The following ADGRB3 variants were observed in gnomAD, a reference collection of about 807,000 sequenced individuals.
ADGRB3 encodes brain-specific angiogenesis inhibitor 3.
In ADGRB3, 37 loss-of-function variants were observed where a neutral mutation model predicts 193.4. That is an observed-to-expected ratio of 0.19 (90% CI 0.15 to 0.25). ADGRB3 has a LOEUF of 0.25. Ranked by LOEUF, ADGRB3 falls within the 10% of genes least tolerant of loss-of-function variation. The pLI, the probability that ADGRB3 is intolerant of heterozygous loss-of-function variation, is 1.00. For synonymous variants in ADGRB3, 690 were observed against 644.2 expected, an observed-to-expected ratio of 1.07 and a Z score of -1.08; for missense variants, 1,637 against 1,852.9, an observed-to-expected ratio of 0.88 and a Z score of 2.14.
intron 17 of ADGRB3, among the ~76,000 whole-genome samples, chr6:69,190,142 G>T (rs574329456): frequency 2.0e-5 from 3 of 152,218 alleles, no homozygotes; most frequent in African/African-American, 7.2e-5. Flanking sequence ...CATTATTTCA[G>T]AGTGTACTTT....
chr6:68,671,933 G>A (rs974800198), intron 3 of ADGRB3, among the ~76,000 whole-genome samples: 6 of 151,916 alleles, frequency 3.9e-5, no homozygotes, highest in African/African-American at 1.2e-4. Flanking sequence ...TAATTGCTTC[G>A]ATCTTGTTGT....
chr6:68,742,711 A>C (rs1290401088), intron 3 of ADGRB3, among the ~76,000 whole-genome samples: 1 of 152,128 alleles, frequency 6.6e-6, no homozygotes, highest in Non-Finnish European at 1.5e-5. Context: ...ATGTTAAATC[A>C]TCCTAAAATA....
chr6:69,246,875 G>A (rs906964950), intron 20 of ADGRB3, among the ~76,000 whole-genome samples: 68 of 152,138 alleles, frequency 4.5e-4, no homozygotes, highest in African/African-American at 1.5e-3. Context: ...AGCAGAACAC[G>A]AGTCTCAGCC....
chr6:68,788,001 T>G (rs1485791580), intron 3 of ADGRB3, among the ~76,000 whole-genome samples: 2 of 152,178 alleles, frequency 1.3e-5, no homozygotes, highest in Non-Finnish European at 2.9e-5. Context: ...GGTGGTGATA[T>G]CCCCTTTATC....
At chr6:69,243,551 A>T (rs1320588757) in intron 20 of ADGRB3, among the ~76,000 whole-genome samples, 1 of 152,030 alleles carries the variant, frequency 6.6e-6, no homozygotes, top group Non-Finnish European at 1.5e-5. Flanking sequence ...TGTACAGTTC[A>T]TTTAAGAGTA....
chr6:69,380,022 A>G (rs1380728928), intron 30 of ADGRB3, among the ~76,000 whole-genome samples: 1 of 151,994 alleles, frequency 6.6e-6, no homozygotes, highest in Non-Finnish European at 1.5e-5. Flanking sequence ...TTTTTCCTGT[A>G]TACTTTTTAG....
chr6:68,684,004 G>C (rs1259355534), intron 3 of ADGRB3, among the ~76,000 whole-genome samples: 2 of 152,188 alleles, frequency 1.3e-5, no homozygotes, highest in African/African-American at 2.4e-5. Context: ...ATTTAGAAAT[G>C]TGGGCAAGTA....
chr6:68,951,386 C>T (rs1003277302), intron 6 of ADGRB3, among the ~76,000 whole-genome samples: 3 of 152,082 alleles, frequency 2.0e-5, no homozygotes, highest in East Asian at 1.9e-4. Context: ...CCTATCACAT[C>T]GCCCTCTTTA....
intron 3 of ADGRB3, among the ~76,000 whole-genome samples, chr6:68,684,428 T>C (rs1190514625): frequency 6.6e-6 from 1 of 152,200 alleles, no homozygotes; most frequent in Non-Finnish European, 1.5e-5. Context: ...TCTTGCTAAC[T>C]CAGAGGCAAA....
chr6:68,863,066 T>C (rs1562061470), intron 3 of ADGRB3, among the ~76,000 whole-genome samples: 1 of 152,184 alleles, frequency 6.6e-6, no homozygotes, highest in Non-Finnish European at 1.5e-5. Flanking sequence ...AATTACTATA[T>C]TTTTTGTTTC....
At chr6:68,865,844 T>A (rs183461002) in intron 3 of ADGRB3, among the ~76,000 whole-genome samples, 107 of 152,306 alleles carry the variant, frequency 7.0e-4, no homozygotes, top group Non-Finnish European at 1.2e-3. Flanking sequence ...CCCAAGCAGA[T>A]ATCCAATGAA....
At chr6:68,991,081 A>G (rs894722098) in intron 10 of ADGRB3, among the ~76,000 whole-genome samples, 1 of 152,024 alleles carries the variant, frequency 6.6e-6, no homozygotes, top group East Asian at 1.9e-4. Flanking sequence ...GACGTTTTTC[A>G]GCTCAGAAGC....
intron 3 of ADGRB3, among the ~76,000 whole-genome samples, chr6:68,757,130 C>T (rs1376116629): frequency 6.6e-6 from 1 of 152,062 alleles, no homozygotes; most frequent in Non-Finnish European, 1.5e-5. Flanking sequence ...TTCATCCCTC[C>T]TGTTCTTTTC....
chr6:69,254,082 C>G (rs1465205357), intron 20 of ADGRB3, among the ~76,000 whole-genome samples: 2 of 152,102 alleles, frequency 1.3e-5, no homozygotes, highest in African/African-American at 4.8e-5. Flanking sequence ...AGCACAAGGA[C>G]CAGAATGTAT....
At chr6:68,984,958 G>A (rs1446012923) in intron 10 of ADGRB3, among the ~76,000 whole-genome samples, 1 of 151,994 alleles carries the variant, frequency 6.6e-6, no homozygotes, top group Non-Finnish European at 1.5e-5. Context: ...GAGGATTTAG[G>A]AGGAAATGTG....
chr6:69,331,163 G>A (rs764726732), intron 23 of ADGRB3, among the ~76,000 whole-genome samples: 17 of 152,088 alleles, frequency 1.1e-4, no homozygotes, highest in East Asian at 5.8e-4. Context: ...CAATGGTCCC[G>A]GGGGGTCAAA....
intron 17 of ADGRB3, among the ~76,000 whole-genome samples, chr6:69,180,479 G>A (rs1425670892): frequency 9.9e-5 from 15 of 152,108 alleles, no homozygotes; most frequent in African/African-American, 3.4e-4. Flanking sequence ...TCTAGGAAGG[G>A]TGGGGCAGCT....
At chr6:68,757,999 C>T (rs777230611) in intron 3 of ADGRB3, among the ~76,000 whole-genome samples, 8 of 151,992 alleles carry the variant, frequency 5.3e-5, no homozygotes, top group Non-Finnish European at 1.2e-4. Context: ...CCTTCCCTGT[C>T]GCTAATGGGA....
rs1423416747 is a variant in ADGRB3 at position 69,279,049 on chromosome 6, A to G, written c.2814+39823A>G. The stretch of plus-strand genomic sequence containing the variant: ...TCACTTCTCACTTCCTCAACACCTC[A>G]TATGGCATATTAAATACATATGTAT... On this transcript the variant is annotated intron_variant, in intron 20 of 31. Transcript: ENST00000370598. Among the ~76,000 whole-genome samples the G allele has an allele frequency of 2.2e-5, 3 of 136,926 alleles. No homozygotes were observed. The Admixed American group carries it at 2.3e-4, about 10-fold the overall frequency. 89.8% of individuals were successfully genotyped at this position (136,926 alleles called of 152,430 possible).
Sources: gnomAD v4.1 joint callset for allele counts (sites outside exome capture counted in the v4.1 genomes callset) on GRCh38, gnomAD v4.1.1 for gene constraint, MANE v1.5 for transcripts, NCBI Gene and HGNC (gene_info 2026-07-23, HGNC 2026-07-21) for gene names.